Variants in RBFOX1 observed in about 807,000 individuals in gnomAD.
The protein encoded by RBFOX1 is RNA binding fox-1 homolog 1, also known as RNA binding protein fox-1 homolog 1.
A neutral mutation model predicts 57.7 loss-of-function variants in RBFOX1; 8 were observed. The ratio of observed to expected loss-of-function variants is 0.14; its 90% CI spans 0.08 to 0.25. RBFOX1 has a LOEUF of 0.25. RBFOX1 is among the 10% of genes least tolerant of loss of function. The probability of loss-of-function intolerance (pLI) is 1.00; values close to 1 mark genes in which losing one functional copy is unlikely to be tolerated. For synonymous variants in RBFOX1, 326 were observed against 222.4 expected, an observed-to-expected ratio of 1.47 and a Z score of -4.15; for missense variants, 611 against 548.5, an observed-to-expected ratio of 1.11 and a Z score of -1.14.
intron 2 of RBFOX1, among the ~76,000 whole-genome samples, chr16:6,452,442 C>G (rs2094653667): frequency 6.6e-6 from 1 of 152,160 alleles, no homozygotes; most frequent in African/African-American, 2.4e-5. Context: ...ATGACTCCAT[C>G]CATGGCCCCT....
At chr16:6,974,597 G>C (rs1340122174) in intron 3 of RBFOX1, among the ~76,000 whole-genome samples, 1 of 151,784 alleles carries the variant, frequency 6.6e-6, no homozygotes, top group Non-Finnish European at 1.5e-5. Context: ...TGCCCACCTC[G>C]GCCTCCCAAA....
At chr16:7,242,122 C>G (rs149750542) in intron 4 of RBFOX1, among the ~76,000 whole-genome samples, 4 of 152,046 alleles carry the variant, frequency 2.6e-5, no homozygotes, top group African/African-American at 9.6e-5. Context: ...TGTTGAGAAC[C>G]CCTGCTTATT....
At chr16:6,686,711 C>G (rs190311394) in intron 3 of RBFOX1, among the ~76,000 whole-genome samples, 1 of 152,152 alleles carries the variant, frequency 6.6e-6, no homozygotes, top group African/African-American at 2.4e-5. Flanking sequence ...AATTGTGAGA[C>G]TAACCTTCCC....
Position 7,579,841 on chromosome 16 carries a change from A to C in RBFOX1, c.335A>C (p.Asn112Thr). 1 of 1,614,018 alleles carries C rather than the reference A, an allele frequency of 6.2e-7. No homozygotes were observed. Among genetic ancestry groups the C allele is most frequent in the South Asian group, 1.1e-5 (1 of 91,066 alleles). Residue 112 changes from asparagine to threonine, a missense_variant, in exon 6 of 16, where the codon AAC becomes ACC. Around this residue, in one of 3 missense-constraint regions of RBFOX1, gnomAD observed 245 missense variants for 159.1 expected, o/e 1.54. Coordinates refer to ENST00000550418, the MANE Select transcript of RBFOX1 (RefSeq NM_018723.4). ...PQTQPSENTE[N>T]KSQPKRLHVS... ...ACACAACCTTCTGAAAACACGGAAA[A>C]CAAGTCTCAGCCCAAGCGGCTGCAT...
chr16:7,602,061 G>A (rs1459077523), intron 9 of RBFOX1, among the ~76,000 whole-genome samples: 3 of 152,150 alleles, frequency 2.0e-5, no homozygotes, highest in African/African-American at 7.2e-5. Flanking sequence ...GCGTACATAA[G>A]GGTGCTCTCT....
chr16:7,176,981 A>G (rs1330961022), intron 4 of RBFOX1, among the ~76,000 whole-genome samples: 1 of 152,192 alleles, frequency 6.6e-6, no homozygotes. Flanking sequence ...GGTAGTTTTC[A>G]ATAGAAAAAT....
intron 1 of RBFOX1, chr16:6,038,899 A>T (rs1056481366): frequency 1.3e-5 from 2 of 149,314 alleles, no homozygotes; most frequent in Non-Finnish European, 3.0e-5. Flanking sequence ...TATTGGACTC[A>T]TGCCAAGCAG....
intron 2 of RBFOX1, among the ~76,000 whole-genome samples, chr16:6,540,561 G>A (rs1468605918): frequency 2.2e-5 from 3 of 139,396 alleles, no homozygotes; most frequent in Admixed American, 1.6e-4. Context: ...GCAGTGAGCC[G>A]AGATTGCACC....
intron 3 of RBFOX1, among the ~76,000 whole-genome samples, chr16:6,662,131 GC>G (rs139155041): frequency 0.63 from 92,989 of 147,374 alleles, 29,365 homozygotes; most frequent in Middle Eastern, 0.72. Context: ...AGGGCTGGGG[GC>G]GGGGTGAAAA....
At chr16:5,788,685 C>T (rs1166219398) in intron 3 of RBFOX1, among the ~76,000 whole-genome samples, 5 of 152,024 alleles carry the variant, frequency 3.3e-5, no homozygotes, top group African/African-American at 1.2e-4. Flanking sequence ...AAAGATAGGC[C>T]TTATTTAGCA....
intron 4 of RBFOX1, among the ~76,000 whole-genome samples, chr16:7,457,324 G>C (rs950521632): frequency 2.6e-4 from 39 of 152,256 alleles, no homozygotes; most frequent in African/African-American, 9.1e-4. Flanking sequence ...CTGGGTGCTG[G>C]GCCTCCTGAC....
chr16:7,506,252 T>G (rs2073258365), intron 4 of RBFOX1, among the ~76,000 whole-genome samples: 1 of 148,154 alleles, frequency 6.7e-6, no homozygotes, highest in South Asian at 2.1e-4. Flanking sequence ...AGAACAAAAG[T>G]TTATATGTTT....
intron 3 of RBFOX1, among the ~76,000 whole-genome samples, chr16:6,665,330 G>A (rs757135482): frequency 1.3e-5 from 2 of 152,180 alleles, no homozygotes; most frequent in Non-Finnish European, 1.5e-5. Flanking sequence ...AATGAGGGAG[G>A]GGGCTGGGCA....
intron 4 of RBFOX1, among the ~76,000 whole-genome samples, chr16:5,895,081 G>A (rs768642750): frequency 5.1e-5 from 7 of 136,578 alleles, no homozygotes; most frequent in Middle Eastern, 6.9e-3. Context: ...TGAACTCTGA[G>A]AGAGAGTGAA....
intron 3 of RBFOX1, among the ~76,000 whole-genome samples, chr16:6,806,451 C>G (rs1418580680): frequency 1.3e-5 from 2 of 152,074 alleles, no homozygotes; most frequent in Non-Finnish European, 2.9e-5. Context: ...CTAGAGCTAA[C>G]AAATGTTAAA....
At chr16:7,177,612 A>G (rs2081940946) in intron 4 of RBFOX1, among the ~76,000 whole-genome samples, 1 of 152,158 alleles carries the variant, frequency 6.6e-6, no homozygotes, top group Non-Finnish European at 1.5e-5. Flanking sequence ...GCTTGCTGTG[A>G]CAGCTCCTAT....
intron 1 of RBFOX1, among the ~76,000 whole-genome samples, chr16:5,241,978 G>A: frequency 6.6e-6 from 1 of 152,026 alleles, no homozygotes; most frequent in East Asian, 1.9e-4. Context: ...AGCCAGGTAT[G>A]GTGGTGTGTG....
At chr16:7,597,854 G>T (rs376720299) in intron 9 of RBFOX1, among the ~76,000 whole-genome samples, 1 of 152,142 alleles carries the variant, frequency 6.6e-6, no homozygotes, top group East Asian at 1.9e-4. Flanking sequence ...TCTCCAGAGA[G>T]ATTAGTCATT....
intron 1 of RBFOX1, chr16:5,260,623 C>G (rs2062709693): frequency 6.6e-6 from 1 of 152,192 alleles, no homozygotes; most frequent in Admixed American, 6.5e-5. Context: ...AGTTGACTGA[C>G]CATCTCATGA....
Sources: gnomAD v4.1 joint callset for allele counts (sites outside exome capture counted in the v4.1 genomes callset) on GRCh38, gnomAD v4.1.1 for gene constraint, gnomAD v4.1.1 regional missense constraint, MANE v1.5 for transcripts, NCBI Gene and HGNC (gene_info 2026-07-23, HGNC 2026-07-21) for gene names.